Variants in MAML2 observed in about 807,000 individuals in gnomAD.
MAML2 encodes the protein mastermind-like protein 2.
A neutral mutation model predicts 96.1 loss-of-function variants in MAML2; 22 were observed. The ratio of observed to expected loss-of-function variants is 0.23; its 90% confidence interval spans 0.16 to 0.33. MAML2 has a LOEUF of 0.33. Among genes scored for constraint, MAML2 ranks in the 10% least tolerant of loss-of-function variants. MAML2 has a pLI of 1.00. For missense variants in MAML2, 1,367 were observed against 1,392.4 expected (o/e 0.98, Z 0.29); for synonymous variants, 561 against 521.3 (o/e 1.08, Z -1.04).
intron 1 of MAML2, among the ~76,000 whole-genome samples, chr11:96,245,398 G>A (rs960421414): frequency 6.6e-6 from 1 of 151,934 alleles, no homozygotes; most frequent in African/African-American, 2.4e-5. Context: ...CCAAGTAAGA[G>A]CTCACATGGA....
chr11:96,111,956 A>AG (rs1448634778), intron 1 of MAML2, among the ~76,000 whole-genome samples: 1 of 151,386 alleles, frequency 6.6e-6, no homozygotes, highest in Non-Finnish European at 1.5e-5. Context: ...TTTTTCTAAA[A>AG]AAAAAAGAAA....
intron 1 of MAML2, among the ~76,000 whole-genome samples, chr11:96,253,226 G>A (rs1862611562): frequency 6.6e-6 from 1 of 152,122 alleles, no homozygotes. Context: ...AAAACTCCAA[G>A]GAAAACTGAC....
At chr11:96,241,772 C>T (rs1027506518) in intron 1 of MAML2, among the ~76,000 whole-genome samples, 7 of 152,116 alleles carry the variant, frequency 4.6e-5, no homozygotes, top group African/African-American at 1.7e-4. Flanking sequence ...CCAATGGGCC[C>T]TTGGTTTGTT....
chr11:96,062,921 A>C (rs1859188325), intron 2 of MAML2, among the ~76,000 whole-genome samples: 2 of 152,186 alleles, frequency 1.3e-5, no homozygotes, highest in Non-Finnish European at 2.9e-5. Flanking sequence ...TACTGAAGCC[A>C]AATATGATTA....
intron 1 of MAML2, among the ~76,000 whole-genome samples, chr11:96,152,424 C>T (rs906419805): frequency 1.3e-5 from 2 of 152,096 alleles, no homozygotes; most frequent in East Asian, 3.8e-4. Context: ...AAGTTCTGTC[C>T]AAATGTTTAA....
chr11:96,304,205 C>T (rs7938188), intron 1 of MAML2, among the ~76,000 whole-genome samples: 5,466 of 152,236 alleles, frequency 0.036, 110 homozygotes, highest in Non-Finnish European at 0.044. Context: ...ACTGATTCTA[C>T]TGCTGAGGCC....
At chr11:96,208,678 A>G (rs948846730) in intron 1 of MAML2, among the ~76,000 whole-genome samples, 1 of 152,234 alleles carries the variant, frequency 6.6e-6, no homozygotes, top group Non-Finnish European at 1.5e-5. Context: ...CCCCCCAAAG[A>G]TAACACTAGT....
intron 2 of MAML2, among the ~76,000 whole-genome samples, chr11:96,002,858 GATGATGAA>G (rs1858110849): frequency 1.4e-5 from 2 of 143,106 alleles, no homozygotes; most frequent in South Asian, 4.9e-4. Context: ...GGATGATGGG[GATGATGAA>G]ATGATGATGG....
At chr11:96,062,153 G>A (rs1859171636) in intron 2 of MAML2, among the ~76,000 whole-genome samples, 1 of 151,850 alleles carries the variant, frequency 6.6e-6, no homozygotes, top group Non-Finnish European at 1.5e-5. Flanking sequence ...TTGGAGTATG[G>A]TACTTTTTTT....
Position 96,343,173 on chromosome 11 carries a change from A to G in MAML2, c.-1278T>C. 1 of 328,932 alleles carries G rather than the reference A, an allele frequency of 3.0e-6. No individual in the cohort carries two copies. The highest frequency in any genetic ancestry group is 5.5e-6 in the Non-Finnish European group (1 of 183,252). 20.4% of individuals were successfully genotyped at this position (328,932 alleles called of 1,614,324 possible). ...CAGGCTTTCATTGTGCTCCGATAGG[A>G]GAGGGAGAGAAAGAGAGAGAGTGAG... On this transcript the variant is annotated 5_prime_UTR_variant, in exon 1 of 5. Coordinates refer to ENST00000524717, the MANE Select transcript of MAML2 (RefSeq NM_032427.4).
At chr11:96,075,061 C>T (rs1859412736) in intron 2 of MAML2, among the ~76,000 whole-genome samples, 1 of 152,160 alleles carries the variant, frequency 6.6e-6, no homozygotes, top group African/African-American at 2.4e-5. Context: ...AGCTTTAATG[C>T]AAATCCAATT....
chr11:96,256,632 C>T (rs915113910), intron 1 of MAML2, among the ~76,000 whole-genome samples: 3 of 152,154 alleles, frequency 2.0e-5, no homozygotes, highest in African/African-American at 7.2e-5. Context: ...TCCCATGTTA[C>T]ATGGTAAGTT....
At chr11:96,321,062 C>T (rs552633161) in intron 1 of MAML2, among the ~76,000 whole-genome samples, 1 of 152,184 alleles carries the variant, frequency 6.6e-6, no homozygotes, top group Non-Finnish European at 1.5e-5. Flanking sequence ...ACACACTCAT[C>T]ATTTAGCTGG....
chr11:96,251,715 G>T (rs891397986), intron 1 of MAML2, among the ~76,000 whole-genome samples: 3 of 149,500 alleles, frequency 2.0e-5, no homozygotes, highest in Non-Finnish European at 4.4e-5. Flanking sequence ...GAAAAAAAGA[G>T]GCCCACAAAT....
At chr11:96,176,522 A>G (rs146856734) in intron 1 of MAML2, among the ~76,000 whole-genome samples, 1 of 152,256 alleles carries the variant, frequency 6.6e-6, no homozygotes, top group Non-Finnish European at 1.5e-5. Context: ...GGTCAGTAGG[A>G]AGGACCGCTT....
intron 1 of MAML2, among the ~76,000 whole-genome samples, chr11:96,291,435 C>G (rs952941085): frequency 2.0e-5 from 3 of 152,094 alleles, no homozygotes; most frequent in East Asian, 1.9e-4. Context: ...CCTTCATAAG[C>G]CTTTGTTTAT....
At chr11:95,991,891 T>C (rs899553871) in intron 2 of MAML2, among the ~76,000 whole-genome samples, 168 bp from the exon 3 acceptor site, 2 of 152,156 alleles carry the variant, frequency 1.3e-5, no homozygotes, top group African/African-American at 4.8e-5. Context: ...GAAGAAATAA[T>C]TGCATAACAC....
intron 1 of MAML2, among the ~76,000 whole-genome samples, chr11:96,277,665 T>C (rs892146660): frequency 6.8e-6 from 1 of 148,088 alleles, no homozygotes; most frequent in Non-Finnish European, 1.5e-5. Flanking sequence ...GGCAGGAGAA[T>C]CGCTTGTGGT....
intron 1 of MAML2, among the ~76,000 whole-genome samples, chr11:96,185,769 G>A (rs986016225): frequency 6.6e-6 from 1 of 152,202 alleles, no homozygotes; most frequent in African/African-American, 2.4e-5. Context: ...AGAACCTTGT[G>A]TATGCATCAC....
Sources: gnomAD v4.1 joint callset for allele counts (sites outside exome capture counted in the v4.1 genomes callset) on GRCh38, gnomAD v4.1.1 for gene constraint, MANE v1.5 for transcripts, NCBI Gene and HGNC (gene_info 2026-07-23, HGNC 2026-07-21) for gene names.